Variants in BCL2 observed in about 807,000 individuals in gnomAD.
BCL2 encodes BCL2 apoptosis regulator.
A neutral mutation model predicts 14.2 loss-of-function variants in BCL2; 1 was observed. The observed-to-expected ratio is 0.07, with a 90% CI of 0.02 to 0.33. The LOEUF (loss-of-function observed/expected upper bound fraction) is 0.33. Among genes scored for constraint, BCL2 ranks in the 10% least tolerant of loss-of-function variants. The pLI, the probability that BCL2 is intolerant of heterozygous loss-of-function variation, is 0.99. For synonymous variants in BCL2, 151 were observed against 137.2 expected (o/e 1.10, Z -0.70); for missense variants, 247 against 305.9 (o/e 0.81, Z 1.44).
At chr18:63,286,022 T>C (rs991774269) in intron 2 of BCL2, among the ~76,000 whole-genome samples, 1 of 152,226 alleles carries the variant, frequency 6.6e-6, no homozygotes, top group Non-Finnish European at 1.5e-5. Flanking sequence ...TGGGTATATC[T>C]GAACTATGTC....
intron 2 of BCL2, among the ~76,000 whole-genome samples, chr18:63,306,107 A>C (rs534083250): frequency 3.9e-4 from 59 of 152,266 alleles, no homozygotes; most frequent in Middle Eastern, 3.4e-3. Flanking sequence ...CAAACAAAAA[A>C]CACAAAAAAG....
chr18:63,212,014 CT>C (rs1435559303), intron 2 of BCL2, among the ~76,000 whole-genome samples: 1 of 152,170 alleles, frequency 6.6e-6, no homozygotes, highest in African/African-American at 2.4e-5. Context: ...TTAGTTGCCC[CT>C]AACCATGTGG....
intron 2 of BCL2, among the ~76,000 whole-genome samples, chr18:63,169,308 C>CTT (rs772654918): frequency 5.4e-5 from 3 of 55,534 alleles, no homozygotes; most frequent in Admixed American, 1.9e-4. Flanking sequence ...TTCTTTCTTT[C>CTT]TTCCTTCCTT....
chr18:63,193,324 T>C (rs964069251), intron 2 of BCL2, among the ~76,000 whole-genome samples: 1 of 152,188 alleles, frequency 6.6e-6, no homozygotes, highest in Non-Finnish European at 1.5e-5. Flanking sequence ...TGAGTGTGTG[T>C]GTTAAGAACT....
intron 2 of BCL2, among the ~76,000 whole-genome samples, chr18:63,268,760 C>G (rs1192005389): frequency 6.6e-6 from 1 of 152,008 alleles, no homozygotes; most frequent in African/African-American, 2.4e-5. Context: ...TATATTTATC[C>G]CAAAGGTAAA....
chr18:63,231,047 CA>C (rs1248980191), intron 2 of BCL2, among the ~76,000 whole-genome samples: 2 of 151,828 alleles, frequency 1.3e-5, no homozygotes, highest in Non-Finnish European at 2.9e-5. Flanking sequence ...TGAGATGACC[CA>C]GTAGGTTTTA....
intron 2 of BCL2, among the ~76,000 whole-genome samples, chr18:63,156,419 A>T (rs566331137): frequency 7.9e-5 from 12 of 152,316 alleles, no homozygotes; most frequent in Non-Finnish European, 1.3e-4. Context: ...TGCCCACGAC[A>T]TGCCAGCGGA....
intron 2 of BCL2, among the ~76,000 whole-genome samples, chr18:63,255,896 T>A (rs570306207): frequency 6.6e-6 from 1 of 152,166 alleles, no homozygotes; most frequent in South Asian, 2.1e-4. Context: ...TTTCTTCTTA[T>A]CTGAAGGGAT....
At chr18:63,196,465 CCTT>C (rs1446968106) in intron 2 of BCL2, among the ~76,000 whole-genome samples, 6 of 152,126 alleles carry the variant, frequency 3.9e-5, no homozygotes, top group Non-Finnish European at 5.9e-5. Flanking sequence ...GTTACTAAAA[CCTT>C]CTTCTCGATG....
rs1307437690 is a variant in BCL2 at position 63,125,571 on chromosome 18, G to A, written c.*3054C>T. ...TAAAGAGGAGTACATACAGAGGACT[G>A]TTTTTTCATTCATAAAGAGCAGTTA... On this transcript the variant is annotated 3_prime_UTR_variant, in exon 3 of 3. Transcript: ENST00000333681. The A allele has an allele frequency of 4.7e-6, 1 of 213,920 alleles. No individual in the cohort carries two copies. The highest frequency in any genetic ancestry group is 2.3e-5 in the African/African-American group (1 of 44,248). 13.3% of individuals were successfully genotyped at this position (213,920 alleles called of 1,614,324 possible). A position where few individuals can be genotyped will look rare whatever the true frequency, so the allele number is the denominator to read the frequency against.
At chr18:63,230,850 C>T (rs745561138) in intron 2 of BCL2, among the ~76,000 whole-genome samples, 1 of 150,330 alleles carries the variant, frequency 6.7e-6, no homozygotes, top group East Asian at 1.9e-4. Flanking sequence ...TAAGACAATA[C>T]AAAAAAAGGC....
intron 2 of BCL2, among the ~76,000 whole-genome samples, chr18:63,182,735 G>T (rs1915508031): frequency 6.6e-6 from 1 of 152,160 alleles, no homozygotes; most frequent in Non-Finnish European, 1.5e-5. Flanking sequence ...ACACAAACAT[G>T]CATACCACAT....
chr18:63,163,012 G>A (rs989999922), intron 2 of BCL2, among the ~76,000 whole-genome samples: 1 of 152,146 alleles, frequency 6.6e-6, no homozygotes, highest in Non-Finnish European at 1.5e-5. Context: ...GTGCCACTAT[G>A]TCTGGCTAGT....
intron 2 of BCL2, among the ~76,000 whole-genome samples, chr18:63,183,616 C>A (rs1435894462): frequency 1.3e-5 from 2 of 152,188 alleles, no homozygotes; most frequent in African/African-American, 2.4e-5. Flanking sequence ...TAAACCAATT[C>A]TGAAAAAGGC....
At chr18:63,214,042 A>C (rs1476217765) in intron 2 of BCL2, among the ~76,000 whole-genome samples, 1 of 152,222 alleles carries the variant, frequency 6.6e-6, no homozygotes, top group Non-Finnish European at 1.5e-5. Flanking sequence ...CAAAATGATG[A>C]GGCCAGGTGG....
At chr18:63,177,972 C>T (rs1915389355) in intron 2 of BCL2, among the ~76,000 whole-genome samples, 1 of 152,174 alleles carries the variant, frequency 6.6e-6, no homozygotes, top group Non-Finnish European at 1.5e-5. Flanking sequence ...GGCACGTGCA[C>T]ACCTCCAAAA....
intron 2 of BCL2, among the ~76,000 whole-genome samples, chr18:63,231,583 T>C (rs769869734): frequency 6.6e-6 from 1 of 151,988 alleles, no homozygotes; most frequent in African/African-American, 2.4e-5. Context: ...TCATAAGATG[T>C]CATTAGCAAT....
rs1909519951 is a variant in BCL2 at position 63,198,395 on chromosome 18, GACACACAGACACACATAGACACAGAGAC to G, written c.586-69664_586-69637del. On this transcript the variant is annotated intron_variant, in intron 2 of 2. Coordinates refer to ENST00000333681, the MANE Select transcript of BCL2 (RefSeq NM_000633.3). The stretch of plus-strand genomic sequence containing the variant: ...ACATAGACACACACAGACACCCATT[GACACACAGACACACATAGACACAGAGAC>G]ACACACAGACACACACTGACACACA... 2.4e-5 allele frequency among the ~76,000 whole-genome samples: 3 copies of G among 125,446 alleles called. No homozygotes were observed. The South Asian group carries it at 7.8e-4, about 33-fold the overall frequency. 82.3% of individuals were successfully genotyped at this position (125,446 alleles called of 152,430 possible).
chr18:63,240,948 C>T (rs1242962693), intron 2 of BCL2, among the ~76,000 whole-genome samples: 6 of 152,200 alleles, frequency 3.9e-5, no homozygotes, highest in Non-Finnish European at 2.9e-5. Flanking sequence ...TAAATAAATA[C>T]CATGAAAATA....
Sources: allele counts gnomAD v4.1 joint callset (sites outside exome capture counted in the v4.1 genomes callset), GRCh38; gene constraint gnomAD v4.1.1; transcripts MANE v1.5; gene names NCBI Gene and HGNC (gene_info 2026-07-23, HGNC 2026-07-21).